TRAPPC8: variants seen among roughly 807,000 people sequenced by gnomAD.
The protein encoded by TRAPPC8 is trafficking protein particle complex subunit 8.
TRAPPC8 carries 54 observed loss-of-function variants against 174.3 expected under a neutral mutation model. The observed-to-expected ratio is 0.31, with a 90% CI of 0.25 to 0.39. The LOEUF (loss-of-function observed/expected upper bound fraction) is 0.39. Among genes scored for constraint, TRAPPC8 ranks in the 10% least tolerant of loss-of-function variants. The pLI is 1.00. For missense variants in TRAPPC8, 1,531 were observed against 1,699.1 expected, an observed-to-expected ratio of 0.90 and a Z score of 1.74; for synonymous variants, 630 against 579.9, an observed-to-expected ratio of 1.09 and a Z score of -1.24.
intron 19 of TRAPPC8, among the ~76,000 whole-genome samples, chr18:31,859,955 G>T (rs981660871): frequency 2.0e-5 from 3 of 151,828 alleles, no homozygotes; most frequent in African/African-American, 7.3e-5. Context: ...GGCAGAGGTT[G>T]CAGTGAGCCG....
At chr18:31,902,146 CTCTAA>C (rs955492086) in intron 9 of TRAPPC8, among the ~76,000 whole-genome samples, 6 of 152,108 alleles carry the variant, frequency 3.9e-5, no homozygotes, top group African/African-American at 1.2e-4. Context: ...GAAACACTGT[CTCTAA>C]TAATAATACA....
intron 12 of TRAPPC8, among the ~76,000 whole-genome samples, chr18:31,879,058 G>A (rs1280246638): frequency 6.6e-6 from 1 of 152,118 alleles, no homozygotes; most frequent in Non-Finnish European, 1.5e-5. Flanking sequence ...GACAACACTA[G>A]ACAGATCATC....
At chr18:31,854,018 T>C in intron 21 of TRAPPC8, 73 bp from the exon 22 acceptor site, 1 of 1,130,038 alleles carries the variant, frequency 8.8e-7, no homozygotes, top group Non-Finnish European at 1.3e-6. Flanking sequence ...GAGAATAAAA[T>C]TCAGACACTG....
At chr18:31,909,463 A>G (rs1382864184) in intron 6 of TRAPPC8, 1 of 621,766 alleles carries the variant, frequency 1.6e-6, no homozygotes, top group Non-Finnish European at 2.0e-6. Context: ...AGAAATCTAT[A>G]CACTACTCAT....
At chr18:31,877,074 G>C (rs2035191172) in intron 12 of TRAPPC8, among the ~76,000 whole-genome samples, 1 of 152,184 alleles carries the variant, frequency 6.6e-6, no homozygotes, top group African/African-American at 2.4e-5. Context: ...AATTTAGGCT[G>C]CCCCTAGGGG....
chr18:31,853,547 C>T (rs755751609), intron 22 of TRAPPC8, among the ~76,000 whole-genome samples: 11 of 152,074 alleles, frequency 7.2e-5, no homozygotes, highest in African/African-American at 2.2e-4. Context: ...GAATTACAGG[C>T]GTGAGCCACC....
Position 31,864,617 on chromosome 18 carries a change from A to C in TRAPPC8, c.2745+10T>G, listed in dbSNP as rs778083769. ...AAATTAAGTCCATGAAATTTTAAAA[A>C]GTGAAATACCTCCAACAGTGGCATT... On this transcript the variant is annotated intron_variant, in intron 19 of 28. Coordinates refer to ENST00000283351, the MANE Select transcript of TRAPPC8 (RefSeq NM_014939.5). 2 of 1,604,250 alleles carry C rather than the reference A, an allele frequency of 1.2e-6. No individual in the cohort carries two copies. The highest frequency in any genetic ancestry group is 2.2e-5 in the East Asian group (1 of 44,638).
At chr18:31,890,675 C>A in intron 12 of TRAPPC8, 60 bp downstream of exon 12, 2 of 1,542,028 alleles carry the variant, frequency 1.3e-6, no homozygotes, top group Middle Eastern at 1.7e-4. Context: ...TAAAAATGGA[C>A]AAATGACACA....
At chr18:31,919,092 C>CTGG (rs2037266374) in intron 2 of TRAPPC8, among the ~76,000 whole-genome samples, 1 of 152,132 alleles carries the variant, frequency 6.6e-6, no homozygotes, top group Non-Finnish European at 1.5e-5. Context: ...GCCAAATATA[C>CTGG]AGATATTTTA....
Position 31,867,405 on chromosome 18 carries a change from T to C in TRAPPC8, c.2460A>G (p.Lys820=), listed in dbSNP as rs2034637308. 1 of 1,603,280 alleles carries C rather than the reference T, an allele frequency of 6.2e-7. No homozygotes were observed. The highest frequency in any genetic ancestry group is 8.5e-7 in the Non-Finnish European group (1 of 1,171,102). Residue 820 remains lysine, a synonymous_variant, in exon 17 of 29, where the codon AAA becomes AAG. Transcript: ENST00000283351. The part of the protein sequence containing the change: ...SEFLINGEES[K]VARLKLFPHH... ...AGAGAAATGATAAAATAATTACCAC[T>C]TTTGATTCTTCGCCATTAATTAAGA...
rs1377536141 is a variant in TRAPPC8, at chr18:31,919,582, AAAT to A, written c.353-1918_353-1916del. On this transcript the variant is annotated intron_variant, in intron 2 of 28. Coordinates refer to ENST00000283351, the MANE Select transcript of TRAPPC8 (RefSeq NM_014939.5). ...TAAATAAATAAATAAATAAATAAATAAATAAATAAAATAATAATAATCCTAACA... is the reference window on the plus strand; with the variant it reads ...TAAATAAATAAATAAATAAATAAATAAAATAAAATAATAATAATCCTAACA... 1.2e-3 allele frequency among the ~76,000 whole-genome samples: 135 copies of A among 112,976 alleles called. 1 individual carries two copies. The highest frequency in any genetic ancestry group is 3.3e-3 in the African/African-American group (110 of 33,632). 74.1% of individuals were successfully genotyped at this position (112,976 alleles called of 152,430 possible). A position where few individuals can be genotyped will look rare whatever the true frequency, so the allele number is the denominator to read the frequency against.
chr18:31,887,420 G>A (rs924706556), intron 12 of TRAPPC8, among the ~76,000 whole-genome samples: 2 of 152,092 alleles, frequency 1.3e-5, no homozygotes, highest in African/African-American at 4.8e-5. Context: ...CAAGGCGGAC[G>A]GATCACCTGA....
chr18:31,841,534 G>A (rs577101543), intron 26 of TRAPPC8, among the ~76,000 whole-genome samples: 57 of 151,814 alleles, frequency 3.8e-4, no homozygotes, highest in African/African-American at 1.0e-3. Flanking sequence ...ATTCAGAAAC[G>A]TTAAAAAAAA....
In TRAPPC8 at chr18:31,912,203, G is replaced by A. The variant is rs1276323900; in HGVS notation, c.771+1166C>T. On this transcript the variant is annotated intron_variant, in intron 5 of 28. Coordinates refer to ENST00000283351, the MANE Select transcript of TRAPPC8 (RefSeq NM_014939.5). ...CTATAAAAGCATGTTAAAAAGGTACGAAAGAGGCTGGGCATGATGGCTCAT... is the reference window on the plus strand; with the variant it reads ...CTATAAAAGCATGTTAAAAAGGTACAAAAGAGGCTGGGCATGATGGCTCAT... Among the ~76,000 whole-genome samples, 9 of 152,172 alleles carry A rather than the reference G, an allele frequency of 5.9e-5. 1 individual carries two copies. In the Middle Eastern group the frequency reaches 0.014, roughly 230 times the overall value.
intron 20 of TRAPPC8, 24 bp from the exon 21 acceptor site, chr18:31,855,831 A>T (rs760883215): frequency 6.7e-7 from 1 of 1,491,102 alleles, no homozygotes; most frequent in South Asian, 1.2e-5. Context: ...AAAAAAAAAA[A>T]GCACATTTAA....
intron 25 of TRAPPC8, 124 bp downstream of exon 25, chr18:31,849,442 A>C: frequency 1.1e-6 from 1 of 870,928 alleles, no homozygotes. Context: ...TAACTGTTAA[A>C]GTTTCAATAT....
intron 13 of TRAPPC8, 177 bp from the exon 14 acceptor site, chr18:31,873,715 C>CA: frequency 2.1e-6 from 1 of 484,818 alleles, no homozygotes; most frequent in Non-Finnish European, 3.7e-6. Context: ...AGAAGCACTT[C>CA]AGATATTTAT....
intron 10 of TRAPPC8, 95 bp downstream of exon 10, chr18:31,900,830 A>T: frequency 1.1e-6 from 1 of 916,476 alleles, no homozygotes; most frequent in Non-Finnish European, 1.6e-6. Context: ...CGACTATATT[A>T]ACTTGATTTG....
chr18:31,921,035 T>C (rs1013225460), intron 2 of TRAPPC8, among the ~76,000 whole-genome samples: 2 of 151,624 alleles, frequency 1.3e-5, no homozygotes, highest in East Asian at 1.9e-4. Context: ...AAATAAATTA[T>C]GGCCTAACCA....
Sources: allele counts gnomAD v4.1 joint callset (sites outside exome capture counted in the v4.1 genomes callset), GRCh38; gene constraint gnomAD v4.1.1; transcripts MANE v1.5; gene names NCBI Gene and HGNC (gene_info 2026-07-23, HGNC 2026-07-21).